Variants in ZNF600 observed in about 807,000 individuals in gnomAD.
ZNF600 encodes the protein zinc finger protein 600, also known as zinc finger protein KR-ZNF1.
Under a neutral mutation model 7.3 loss-of-function variants are expected in ZNF600, and 4 were observed. The ratio of observed to expected loss-of-function variants is 0.55; its 90% CI spans 0.27 to 1.25. ZNF600 has a LOEUF of 1.25. Ranked by LOEUF, ZNF600 falls within the 50% of genes most tolerant of loss-of-function variation. ZNF600 has a pLI of 0.12. For synonymous variants in ZNF600, 290 were observed against 308.9 expected (o/e 0.94, Z 0.64); for missense variants, 911 against 922.1 (o/e 0.99, Z 0.16).
chr19:52,800,749 GATTAAAA>G, the ZNF600 span: 2 of 1,612,984 alleles, frequency 1.2e-6, no homozygotes, highest in East Asian at 4.5e-5. Context: ...GTTGACAGTC[GATTAAAA>G]ACCTTGCCAC....
the ZNF600 span, among the ~76,000 whole-genome samples, chr19:52,832,468 G>A: frequency 4.0e-5 from 6 of 151,842 alleles, no homozygotes; most frequent in African/African-American, 1.2e-4. Flanking sequence ...GGTGGCACAT[G>A]CCTGTAATCC....
chr19:52,799,481 T>C, the ZNF600 span: 10 of 956,986 alleles, frequency 1.0e-5, no homozygotes, highest in African/African-American at 1.6e-5. Context: ...GTGCAAGGGT[T>C]GTTTTTTGAT....
exon 4 of ZNF600, chr19:52,764,821 C>T (rs566201520): frequency 3.8e-5 from 6 of 158,842 alleles, no homozygotes; most frequent in Non-Finnish European, 8.3e-5. Context: ...CTGGCCTGAT[C>T]TCCCTTTTAT....
At chr19:52,806,967 T>C in the ZNF600 span, among the ~76,000 whole-genome samples, 1 of 152,144 alleles carries the variant, frequency 6.6e-6, no homozygotes, top group Non-Finnish European at 1.5e-5. Context: ...AAGAAAGATA[T>C]CTTTTCAGAG....
chr19:52,811,391 C>T, the ZNF600 span, among the ~76,000 whole-genome samples: 1 of 146,484 alleles, frequency 6.8e-6, no homozygotes, highest in African/African-American at 2.7e-5. Context: ...CCTGGCTGCC[C>T]AGTCTGGAAA....
rs188338517 is a variant in ZNF600, at chr19:52,766,882, G to C, written c.1081C>G (p.His361Asp). 6.5e-5 allele frequency: 105 copies of C among 1,614,168 alleles called. No homozygotes were observed. The East Asian group carries it at 1.2e-3, about 19-fold the overall frequency. ...TTCTCTCCAGTATGAATTCTACGAT[G>C]ACGTGCAAGGTTTGATTGCTGATTA... The change falls in exon 4 of 4, where the codon CAT (histidine) becomes GAT (aspartate). Residue 361 changes from histidine (H) to aspartate (D), a missense_variant. Physicochemically the swap from His to Asp is moderately conservative, Grantham distance 81 (BLOSUM62 -1). Coordinates refer to ENST00000648973, the Ensembl canonical transcript of ZNF600.
chr19:52,818,710 A>ATG, the ZNF600 span, among the ~76,000 whole-genome samples: 1 of 21,536 alleles, frequency 4.6e-5, no homozygotes, highest in East Asian at 3.2e-4. Flanking sequence ...CAAAAATAAA[A>ATG]AAATACAAAT....
Position 52,766,368 on chromosome 19 carries a change from A to C in ZNF600, c.1595T>G (p.Ile532Ser), listed in dbSNP as rs781765486. The stretch of plus-strand genomic sequence containing the variant: ...TTTGTATGGTTTCTCTCCGGTGTGA[A>C]TTATCTTATGTGTCTCAAGGGTTGA... Residue 532 changes from isoleucine (I) to serine (S), a missense_variant, in exon 4 of 4, where the codon ATT (isoleucine) becomes AGT (serine). By Grantham distance (142) the Ile-to-Ser change is moderately radical. Transcript: ENST00000648973. 2.9e-5 allele frequency: 47 copies of C among 1,614,034 alleles called. No homozygotes were observed. The African/African-American group carries it at 4.8e-4, about 17-fold the overall frequency.
At chr19:52,784,449 A>G (rs2062748380) in intron 1 of ZNF600, among the ~76,000 whole-genome samples, 1 of 152,174 alleles carries the variant, frequency 6.6e-6, no homozygotes, top group African/African-American at 2.4e-5. Flanking sequence ...ATGTAATAAG[A>G]GAAAGTGATT....
chr19:52,818,421 A>G, the ZNF600 span, among the ~76,000 whole-genome samples: 1 of 152,166 alleles, frequency 6.6e-6, no homozygotes, highest in South Asian at 2.1e-4. Context: ...TACTAAAAAT[A>G]TAAAAATTGG....
the ZNF600 span, among the ~76,000 whole-genome samples, chr19:52,808,372 G>A: frequency 1.3e-5 from 2 of 152,130 alleles, no homozygotes; most frequent in African/African-American, 4.8e-5. Context: ...ATCAGTGTTG[G>A]ATTCCTGTTA....
chr19:52,832,919 G>A, the ZNF600 span, among the ~76,000 whole-genome samples: 7 of 152,008 alleles, frequency 4.6e-5, no homozygotes, highest in Non-Finnish European at 1.0e-4. Context: ...TTACAGGCAT[G>A]AGCCACGACT....
chr19:52,819,533 T>C, the ZNF600 span, among the ~76,000 whole-genome samples: 1 of 75,156 alleles, frequency 1.3e-5, no homozygotes, highest in African/African-American at 4.9e-5. Flanking sequence ...CCAGGGTCAC[T>C]CGGGTTGAGC....
chr19:52,766,892 G>T (rs200706336), exon 4 of ZNF600: 76 of 1,613,954 alleles, frequency 4.7e-5, no homozygotes, highest in Non-Finnish European at 6.4e-5. Flanking sequence ...GACGTGCAAG[G>T]TTTGATTGCT....
At chr19:52,807,935 T>C in the ZNF600 span, 1 of 1,604,238 alleles carries the variant, frequency 6.2e-7, no homozygotes, top group Non-Finnish European at 8.5e-7. Context: ...CAAGTAAGGA[T>C]GTGGCTCCCA....
chr19:52,811,968 G>A, the ZNF600 span, among the ~76,000 whole-genome samples: 1 of 46,828 alleles, frequency 2.1e-5, no homozygotes, highest in African/African-American at 9.9e-5. Context: ...CTACTGGGAA[G>A]TGAGGAGCCC....
chr19:52,769,996 C>T (rs1404412024), intron 3 of ZNF600, among the ~76,000 whole-genome samples: 3 of 152,176 alleles, frequency 2.0e-5, no homozygotes, highest in Non-Finnish European at 4.4e-5. Flanking sequence ...TACATTTATA[C>T]AGCCTGCAGA....
the ZNF600 span, chr19:52,801,811 A>G: frequency 2.8e-6 from 3 of 1,060,784 alleles, no homozygotes; most frequent in Non-Finnish European, 4.0e-6. Flanking sequence ...CTTCCCAAAC[A>G]TGATCTTCAA....
the ZNF600 span, among the ~76,000 whole-genome samples, chr19:52,795,461 T>TAA: frequency 6.6e-6 from 1 of 151,678 alleles, no homozygotes; most frequent in Middle Eastern, 3.2e-3. Flanking sequence ...TATATATATA[T>TAA]AATAAAATGT....
Sources: gnomAD v4.1 joint callset for allele counts (sites outside exome capture counted in the v4.1 genomes callset) on GRCh38, gnomAD v4.1.1 for gene constraint, MANE v1.5 for transcripts, NCBI Gene and HGNC (gene_info 2026-07-23, HGNC 2026-07-21) for gene names.